The following ILRUN variants were observed in gnomAD, a reference collection of about 807,000 sequenced individuals.
The protein encoded by ILRUN is inflammation and lipid regulator with UBA-like and NBR1-like domains.
In ILRUN, 3 loss-of-function variants were observed where a neutral mutation model predicts 33.8. The observed-to-expected ratio is 0.09, with a 90% CI of 0.04 to 0.23. The LOEUF is 0.23. Among genes scored for constraint, ILRUN ranks in the 10% least tolerant of loss-of-function variants. The pLI is 1.00. For missense variants in ILRUN, 210 were observed against 375.1 expected (o/e 0.56, Z 3.64); for synonymous variants, 124 against 138.9 (o/e 0.89, Z 0.75).
chr6:34,655,526 T>C (rs937017754), intron 1 of ILRUN, among the ~76,000 whole-genome samples: 1 of 151,000 alleles, frequency 6.6e-6, no homozygotes, highest in African/African-American at 2.4e-5. Flanking sequence ...CTTGAAAACA[T>C]CTCTGTTAGT....
chr6:34,594,489 A>G (rs1168014082), intron 4 of ILRUN, among the ~76,000 whole-genome samples: 1 of 152,230 alleles, frequency 6.6e-6, no homozygotes, highest in African/African-American at 2.4e-5. Context: ...CAGGGCATAC[A>G]CCACTTACAC....
chr6:34,595,791 G>C (rs1384964914), intron 4 of ILRUN: 12 of 985,292 alleles, frequency 1.2e-5, no homozygotes, highest in Non-Finnish European at 1.4e-5. Flanking sequence ...AAAAAGACAA[G>C]CAAGTTTGTT....
At chr6:34,674,770 C>CT (rs1047197439) in intron 1 of ILRUN, among the ~76,000 whole-genome samples, 3 of 152,092 alleles carry the variant, frequency 2.0e-5, no homozygotes, top group Non-Finnish European at 2.9e-5. Flanking sequence ...CATTAAAACT[C>CT]TGAGTTTCAG....
At chr6:34,612,222 TATGGCAACAC>T (rs1761771649) in intron 3 of ILRUN, among the ~76,000 whole-genome samples, 1 of 84,672 alleles carries the variant, frequency 1.2e-5, no homozygotes, top group Non-Finnish European at 2.6e-5. Context: ...GCGACCAGCC[TATGGCAACAC>T]CAGCCTAGGC....
chr6:34,655,669 T>C (rs981427659), intron 1 of ILRUN, among the ~76,000 whole-genome samples: 2 of 152,230 alleles, frequency 1.3e-5, no homozygotes, highest in African/African-American at 4.8e-5. Context: ...CACAGTTTTG[T>C]ATACATGCAA....
rs187541693 is a variant in ILRUN at position 34,678,239 on chromosome 6, C to T, written c.158+18207G>A. Among the ~76,000 whole-genome samples the T allele has an allele frequency of 4.3e-3, 650 of 152,184 alleles. 5 individuals are homozygous for T. The highest frequency in any genetic ancestry group is 0.015 in the African/African-American group (605 of 41,530). On this transcript the variant is annotated intron_variant, in intron 1 of 4. Transcript: ENST00000374023. ...ATTTTTTAGTAGAGACGGGGTTTCA[C>T]CATGTTGGTCAGGCTGGTCTTGAAC...
intron 3 of ILRUN, among the ~76,000 whole-genome samples, chr6:34,631,389 G>A (rs1428969891): frequency 4.6e-5 from 7 of 151,404 alleles, no homozygotes; most frequent in South Asian, 2.1e-4. Context: ...GGGCAGTGGC[G>A]CGATCTCGGC....
At chr6:34,595,923 T>C in intron 4 of ILRUN, 6 of 985,422 alleles carry the variant, frequency 6.1e-6, no homozygotes, top group Non-Finnish European at 7.2e-6. Flanking sequence ...TTCCGCCTAG[T>C]GCTCCTTTTG....
chr6:34,672,871 A>G (rs1763145241), intron 1 of ILRUN, among the ~76,000 whole-genome samples: 2 of 152,182 alleles, frequency 1.3e-5, no homozygotes, highest in South Asian at 4.1e-4. Flanking sequence ...CCAGACTGAA[A>G]GGGCTCACCA....
chr6:34,637,556 T>C (rs1032995606), intron 3 of ILRUN, among the ~76,000 whole-genome samples: 1 of 152,156 alleles, frequency 6.6e-6, no homozygotes, highest in African/African-American at 2.4e-5. Flanking sequence ...TCCTTTTCTA[T>C]ACATGTGTAT....
intron 1 of ILRUN, among the ~76,000 whole-genome samples, chr6:34,686,311 TAA>T (rs550008931): frequency 5.2e-4 from 79 of 150,526 alleles, no homozygotes; most frequent in African/African-American, 1.8e-3. Context: ...CCATCCTGGC[TAA>T]CACAGTGAAA....
chr6:34,682,569 T>C (rs998512952), intron 1 of ILRUN, among the ~76,000 whole-genome samples: 1 of 150,978 alleles, frequency 6.6e-6, no homozygotes, highest in Non-Finnish European at 1.5e-5. Flanking sequence ...ATCTCTGTCT[T>C]CTGAAGTGAT....
At chr6:34,693,750 TC>T (rs1450831770) in intron 1 of ILRUN, among the ~76,000 whole-genome samples, 1 of 151,538 alleles carries the variant, frequency 6.6e-6, no homozygotes, top group Non-Finnish European at 1.5e-5. Context: ...CACTGCAAGC[TC>T]CGCCTCCTGG....
intron 1 of ILRUN, among the ~76,000 whole-genome samples, chr6:34,679,102 A>G (rs1251097913): frequency 1.3e-5 from 2 of 151,582 alleles, no homozygotes; most frequent in Admixed American, 1.3e-4. Context: ...TTATCCATAT[A>G]ACAAACCTGC....
At chr6:34,693,768 G>T (rs1414278700) in intron 1 of ILRUN, among the ~76,000 whole-genome samples, 1 of 151,300 alleles carries the variant, frequency 6.6e-6, no homozygotes, top group Non-Finnish European at 1.5e-5. Flanking sequence ...CTGGGTTCAC[G>T]CCATTCTCCT....
At chr6:34,667,090 T>C (rs1450632338) in intron 1 of ILRUN, among the ~76,000 whole-genome samples, 2 of 151,992 alleles carry the variant, frequency 1.3e-5, no homozygotes, top group Admixed American at 6.6e-5. Context: ...TACTAAAAAC[T>C]GAGAGGAAAA....
At chr6:34,637,478 G>A (rs965016602) in intron 3 of ILRUN, among the ~76,000 whole-genome samples, 2 of 152,146 alleles carry the variant, frequency 1.3e-5, no homozygotes, top group Non-Finnish European at 2.9e-5. Flanking sequence ...CTGTTTAACA[G>A]AAGGGCGCTG....
chr6:34,680,604 A>G (rs1228432034), intron 1 of ILRUN, among the ~76,000 whole-genome samples: 1 of 152,024 alleles, frequency 6.6e-6, no homozygotes, highest in East Asian at 1.9e-4. Flanking sequence ...AGCTGGGATT[A>G]CAGGCACCTG....
intron 3 of ILRUN, chr6:34,616,626 G>T: frequency 5.8e-6 from 9 of 1,562,606 alleles, no homozygotes; most frequent in Non-Finnish European, 7.0e-6. Flanking sequence ...AAGATCAATC[G>T]CCTGAGAAAG....
Sources: gnomAD v4.1 joint callset for allele counts (sites outside exome capture counted in the v4.1 genomes callset) on GRCh38, gnomAD v4.1.1 for gene constraint, MANE v1.5 for transcripts, NCBI Gene and HGNC (gene_info 2026-07-23, HGNC 2026-07-21) for gene names.